MYO9A: variants seen among roughly 807,000 people sequenced by gnomAD.
MYO9A encodes the protein myosin IXA.
In MYO9A, 103 loss-of-function variants were observed where a neutral mutation model predicts 293.3. That is an observed-to-expected ratio of 0.35 (90% CI 0.30 to 0.41). The LOEUF (loss-of-function observed/expected upper bound fraction) is 0.41, where lower values mean the gene tolerates loss of function less well. Ranked by LOEUF, MYO9A falls within the 10% of genes least tolerant of loss-of-function variation. The pLI, the probability that MYO9A is intolerant of heterozygous loss-of-function variation, is 1.00. For missense variants in MYO9A, 2,685 were observed against 3,033.0 expected (o/e 0.89, Z 2.69); for synonymous variants, 1,001 against 1,035.7 (o/e 0.97, Z 0.64).
chr15:71,832,367 C>T (rs2054763301), intron 39 of MYO9A, among the ~76,000 whole-genome samples: 1 of 151,952 alleles, frequency 6.6e-6, no homozygotes, highest in Non-Finnish European at 1.5e-5. Flanking sequence ...AAGCCTACAA[C>T]CCCTAAGAAA....
intron 1 of MYO9A, among the ~76,000 whole-genome samples, chr15:72,061,521 C>T (rs1050163084): frequency 6.7e-6 from 1 of 150,320 alleles, no homozygotes; most frequent in African/African-American, 2.5e-5. Context: ...AGCCTTCAGG[C>T]CTTGAAAAAA....
Position 71,826,192 on chromosome 15 carries a change from T to G in MYO9A, c.*388A>C. 1 of 166,986 alleles carries G rather than the reference T, an allele frequency of 6.0e-6. No individual in the cohort carries two copies. Among genetic ancestry groups the G allele is most frequent in the Non-Finnish European group, 1.3e-5 (1 of 78,104 alleles). The allele number at this position is 166,986 out of a possible 1,614,324, so 10.3% of individuals were successfully genotyped here. ...CTTTTGCTTTCACGGTTAAGAAAGA[T>G]TTATACGTTTTCTTCAAATGTCAGA... On this transcript the variant is annotated 3_prime_UTR_variant, in exon 42 of 42. Coordinates refer to ENST00000356056, the MANE Select transcript of MYO9A (RefSeq NM_006901.4).
intron 18 of MYO9A, among the ~76,000 whole-genome samples, chr15:71,922,657 T>C (rs2058186334): frequency 6.6e-6 from 1 of 152,226 alleles, no homozygotes; most frequent in African/African-American, 2.4e-5. Flanking sequence ...TATACTGCTA[T>C]GAGTTTGGCT....
chr15:72,039,480 C>T (rs989641753), intron 2 of MYO9A, among the ~76,000 whole-genome samples: 1 of 151,768 alleles, frequency 6.6e-6, no homozygotes, highest in Non-Finnish European at 1.5e-5. Flanking sequence ...CCAAAAAAAA[C>T]CAGATAGGAT....
At chr15:72,115,877 G>C (rs1347122414) in intron 1 of MYO9A, among the ~76,000 whole-genome samples, 1 of 151,982 alleles carries the variant, frequency 6.6e-6, no homozygotes, top group Non-Finnish European at 1.5e-5. Context: ...TAAAAGAAAA[G>C]CATGTAACAT....
intron 32 of MYO9A, among the ~76,000 whole-genome samples, chr15:71,874,326 T>G (rs372260501): frequency 1.3e-5 from 2 of 152,154 alleles, no homozygotes; most frequent in Admixed American, 6.5e-5. Flanking sequence ...CCAGGTTTTG[T>G]AGGCCCTAAA....
At chr15:72,006,248 G>GT (rs1222858366) in intron 8 of MYO9A, among the ~76,000 whole-genome samples, 4 of 152,106 alleles carry the variant, frequency 2.6e-5, no homozygotes, top group African/African-American at 4.8e-5. Flanking sequence ...TAATTTTTGT[G>GT]TTTTTTTTTT....
chr15:72,101,491 G>A (rs2080319270), intron 1 of MYO9A, among the ~76,000 whole-genome samples: 1 of 118,104 alleles, frequency 8.5e-6, no homozygotes, highest in Non-Finnish European at 1.8e-5. Context: ...CGCCCGGCCA[G>A]CCGCCCCGTC....
intron 11 of MYO9A, among the ~76,000 whole-genome samples, chr15:71,986,388 C>G (rs2076408143): frequency 6.6e-6 from 1 of 152,178 alleles, no homozygotes; most frequent in African/African-American, 2.4e-5. Flanking sequence ...CTCTTTGGGT[C>G]TGTCTCTTAG....
chr15:71,898,732 T>G lies in MYO9A; in HGVS notation c.3771A>C (p.Arg1257Ser). ...QEDVLVRERPRSLEDLHQKKV... is the reference protein window; with the variant it reads ...QEDVLVRERPSSLEDLHQKKV... ...TTTTCTGATGGAGATCCTCCAAGGA[T>G]CTGGGTCTCTCTCTTACAAGCACAT... The change falls in exon 25 of 42, where the codon AGA (arginine) becomes AGC (serine). Residue 1257 changes from arginine to serine, a missense_variant. Physicochemically the swap from Arg to Ser is moderately radical, Grantham distance 110 (BLOSUM62 -1). Coordinates refer to ENST00000356056, the MANE Select transcript of MYO9A (RefSeq NM_006901.4). 1 of 1,613,820 alleles carries G rather than the reference T, an allele frequency of 6.2e-7. No homozygotes were observed. The highest frequency in any genetic ancestry group is 8.5e-7 in the Non-Finnish European group (1 of 1,179,948).
At chr15:72,067,949 C>T (rs1413765530) in intron 1 of MYO9A, among the ~76,000 whole-genome samples, 1 of 152,116 alleles carries the variant, frequency 6.6e-6, no homozygotes, top group Non-Finnish European at 1.5e-5. Context: ...CAAGTTTACT[C>T]ATAAGAACAA....
chr15:72,106,607 T>C (rs145142225), intron 1 of MYO9A, among the ~76,000 whole-genome samples: 4 of 152,174 alleles, frequency 2.6e-5, no homozygotes, highest in African/African-American at 9.7e-5. Flanking sequence ...GGTTTTTTTT[T>C]ATTTTTTTTT....
chr15:71,977,950 T>C (rs2076183883), intron 12 of MYO9A, among the ~76,000 whole-genome samples: 1 of 152,100 alleles, frequency 6.6e-6, no homozygotes, highest in African/African-American at 2.4e-5. Flanking sequence ...GGCAGGAGAA[T>C]GGCGTGAACC....
At chr15:71,932,088 C>T (rs1389567899) in intron 18 of MYO9A, among the ~76,000 whole-genome samples, 1 of 152,206 alleles carries the variant, frequency 6.6e-6, no homozygotes, top group Admixed American at 6.5e-5. Context: ...TACCTCAAAA[C>T]ATTTGAGAGA....
At chr15:71,991,296 T>C in intron 10 of MYO9A, 59 bp from the exon 11 acceptor site, 1 of 1,372,274 alleles carries the variant, frequency 7.3e-7, no homozygotes, top group South Asian at 1.4e-5. Flanking sequence ...TAATGAATAA[T>C]ATCCACAACA....
chr15:71,938,578 A>T (rs2058695626), intron 16 of MYO9A, among the ~76,000 whole-genome samples: 1 of 152,148 alleles, frequency 6.6e-6, no homozygotes, highest in Admixed American at 6.5e-5. Context: ...AAAATGCAAG[A>T]AGGGTCTCAG....
chr15:71,901,422 G>T, intron 22 of MYO9A, 82 bp from the exon 23 acceptor site: 1 of 1,399,714 alleles, frequency 7.1e-7, no homozygotes, highest in Non-Finnish European at 9.6e-7. Context: ...TCTGTGATAA[G>T]CTTTTAGAGA....
At position 71,862,588 on chromosome 15, in the gene MYO9A, G is replaced by T. The variant is rs765253168; in HGVS notation, c.6003C>A (p.Ile2001=). Residue 2001 remains isoleucine (I), a synonymous_variant, in exon 33 of 42, where the codon ATC becomes ATA. Transcript: ENST00000356056. ...TDLVEEHNGH[I]FKATQYSIPT... is the part of the protein sequence containing the mutation. The stretch of plus-strand genomic sequence containing the variant: ...GGATGCTATATTGGGTGGCTTTAAA[G>T]ATGTGACCATTGTGTTCTTCCACCT... 1 of 1,611,870 alleles carries T rather than the reference G, an allele frequency of 6.2e-7. No homozygotes were observed. Among genetic ancestry groups the T allele is most frequent in the South Asian group, 1.1e-5 (1 of 90,928 alleles).
At chr15:72,078,151 A>G (rs1158674775) in intron 1 of MYO9A, among the ~76,000 whole-genome samples, 1 of 152,158 alleles carries the variant, frequency 6.6e-6, no homozygotes, top group Non-Finnish European at 1.5e-5. Flanking sequence ...TTTGCCATAT[A>G]ATCTACCAAC....
Sources: gnomAD v4.1 joint callset for allele counts (sites outside exome capture counted in the v4.1 genomes callset) on GRCh38, gnomAD v4.1.1 for gene constraint, MANE v1.5 for transcripts, NCBI Gene and HGNC (gene_info 2026-07-23, HGNC 2026-07-21) for gene names.